The following TG variants were observed in gnomAD, a reference collection of about 807,000 sequenced individuals.
The protein encoded by TG is thyroid hormones.
TG carries 270 observed loss-of-function variants against 324.7 expected under a neutral mutation model. The observed-to-expected ratio is 0.83, with a 90% CI of 0.75 to 0.92. The LOEUF is 0.92. TG is among the 40% of genes least tolerant of loss of function. TG has a pLI of 0.00. For missense variants in TG, 3,591 were observed against 3,456.4 expected (o/e 1.04, Z -0.98); for synonymous variants, 1,401 against 1,327.0 (o/e 1.06, Z -1.21).
chr8:133,065,743 CAA>C (rs1463710328), intron 41 of TG, among the ~76,000 whole-genome samples: 2 of 151,706 alleles, frequency 1.3e-5, no homozygotes, highest in African/African-American at 2.4e-5. Context: ...GCCTGGGAAA[CAA>C]GAGTGAAACT....
intron 41 of TG, among the ~76,000 whole-genome samples, chr8:133,055,361 GCGCGCACACACACACA>G (rs58946786): frequency 0.25 from 32,603 of 131,580 alleles, 3,776 homozygotes; most frequent in African/African-American, 0.27. Context: ...ACACACGCAC[GCGCGCACACACACACA>G]CACACACACA....
At chr8:132,889,488 T>C (rs1815919313) in intron 10 of TG, among the ~76,000 whole-genome samples, 1 of 152,210 alleles carries the variant, frequency 6.6e-6, no homozygotes, top group South Asian at 2.1e-4. Flanking sequence ...AGAACGGTAA[T>C]ACCCTTGGCA....
At chr8:133,079,011 C>T (rs1458907557) in intron 41 of TG, among the ~76,000 whole-genome samples, 1 of 152,176 alleles carries the variant, frequency 6.6e-6, no homozygotes, top group Non-Finnish European at 1.5e-5. Context: ...ACAGGAACTT[C>T]ATGGCACTGA....
intron 41 of TG, among the ~76,000 whole-genome samples, chr8:133,044,758 G>C (rs937751563): frequency 1.3e-5 from 2 of 152,190 alleles, no homozygotes; most frequent in Non-Finnish European, 2.9e-5. Flanking sequence ...TGTACACTTC[G>C]AGAGAGGGCA....
chr8:133,001,791 G>A (rs1833532682), intron 35 of TG: 3 of 985,318 alleles, frequency 3.0e-6, no homozygotes, highest in East Asian at 1.1e-4. Flanking sequence ...AAGGTTTGCT[G>A]GGGGCCTGAA....
intron 41 of TG, among the ~76,000 whole-genome samples, chr8:133,045,821 C>T (rs769493235): frequency 6.6e-5 from 10 of 152,232 alleles, no homozygotes; most frequent in African/African-American, 2.2e-4. Context: ...GACTCCTTCC[C>T]GAGTACTCTC....
At chr8:133,000,810 C>A (rs796287216) in intron 35 of TG, among the ~76,000 whole-genome samples, 4 of 152,348 alleles carry the variant, frequency 2.6e-5, no homozygotes, top group African/African-American at 9.6e-5. Flanking sequence ...TGAGTGGATG[C>A]TGTCACCGAG....
At chr8:133,040,420 C>T (rs1005580662) in intron 41 of TG, 14 of 354,218 alleles carry the variant, frequency 4.0e-5, no homozygotes, top group South Asian at 5.5e-5. Flanking sequence ...AGCTTTACCC[C>T]GATAGTAAAT....
intron 41 of TG, among the ~76,000 whole-genome samples, chr8:133,044,486 G>A (rs536298599): frequency 1.3e-5 from 2 of 152,298 alleles, no homozygotes; most frequent in East Asian, 3.9e-4. Flanking sequence ...AGGCCACGGG[G>A]AAGCATGATC....
At chr8:133,036,466 T>C (rs749374905) in intron 41 of TG, among the ~76,000 whole-genome samples, 3 of 152,178 alleles carry the variant, frequency 2.0e-5, no homozygotes, top group Non-Finnish European at 4.4e-5. Context: ...CAGGACGTTT[T>C]TATAACAATC....
rs372801449 is a variant in TG at position 132,906,692 on chromosome 8, G to C, written c.3639G>C (p.Pro1213=). 6 of 1,613,888 alleles carry C rather than the reference G, an allele frequency of 3.7e-6. No individual in the cohort carries two copies. The highest frequency in any genetic ancestry group is 5.1e-6 in the Non-Finnish European group (6 of 1,180,020). ...VTGGQPACES[P]RCPLPFNASE... The stretch of plus-strand genomic sequence containing the variant: ...GCTCCACTTTCCTTCTCCCAGGCCC[G>C]CGGTGTCCGCTGCCATTCAACGCGT... The change falls in exon 17 of 48, where the codon CCG becomes CCC. Residue 1213 remains proline, a synonymous_variant. Transcript: ENST00000220616.
chr8:132,936,797 G>A (rs1274420576), intron 25 of TG, among the ~76,000 whole-genome samples: 2 of 152,168 alleles, frequency 1.3e-5, no homozygotes, highest in Admixed American at 6.5e-5. Context: ...TGAGCCATGC[G>A]CTCTGGGCCA....
In TG at chr8:133,066,851, C is replaced by T. The variant is rs138350956; in HGVS notation, c.7240-28193C>T. 4.7e-3 allele frequency among the ~76,000 whole-genome samples: 709 copies of T among 152,296 alleles called. 10 individuals carry two copies. Among genetic ancestry groups the T allele is most frequent in the African/African-American group, 0.016 (681 of 41,552 alleles). ...TGGTAAATGGCAGCTAAAAATTTAC[C>T]AAAGCTAGATCCCGTGCAGGGGCTG... is the stretch of plus-strand genomic sequence containing the variant. On this transcript the variant is annotated intron_variant, in intron 41 of 47. Transcript: ENST00000220616.
At chr8:133,008,618 G>A (rs1416809303) in intron 35 of TG, among the ~76,000 whole-genome samples, 3 of 152,230 alleles carry the variant, frequency 2.0e-5, no homozygotes, top group Admixed American at 2.0e-4. Flanking sequence ...ATCTGGAGGG[G>A]AAGTCTGTGA....
chr8:133,039,953 G>GCACGCACACA lies in TG; in HGVS notation c.7239+9933_7239+9934insGCACACACAC, dbSNP rs1554706051. 9 of 1,434,436 alleles carry GCACGCACACA rather than the reference G, an allele frequency of 6.3e-6. No homozygotes were observed. The African/African-American group carries it at 1.2e-4, about 19-fold the overall frequency. The allele number at this position is 1,434,436 out of a possible 1,614,324, so 88.9% of individuals were successfully genotyped here. On this transcript the variant is annotated intron_variant, in intron 41 of 47. Transcript: ENST00000220616. Reference sequence around the variant, plus strand: ...TCACATGTTCACAGAGCACTTGCATGCACACACACACACACACACACACAC... The same window carrying GCACGCACACA: ...TCACATGTTCACAGAGCACTTGCATGCACGCACACACACACACACACACACACACACACAC...
chr8:133,060,240 C>T, intron 41 of TG: 1 of 1,612,592 alleles, frequency 6.2e-7, no homozygotes, highest in Non-Finnish European at 8.5e-7. Context: ...CAACCGTGCC[C>T]TGAGCCCTCC....
chr8:132,958,837 G>T (rs1343599776), intron 27 of TG, among the ~76,000 whole-genome samples: 3 of 152,124 alleles, frequency 2.0e-5, no homozygotes, highest in Non-Finnish European at 4.4e-5. Context: ...AACACAAACT[G>T]AGCAGGTGCG....
chr8:133,032,184 A>T (rs1352936816), intron 41 of TG, among the ~76,000 whole-genome samples: 2 of 152,208 alleles, frequency 1.3e-5, no homozygotes, highest in Non-Finnish European at 2.9e-5. Context: ...CCCAGGACCC[A>T]CAGGATACAC....
Position 132,882,819 on chromosome 8 carries a change from A to C in TG, c.895A>C (p.Thr299Pro), listed in dbSNP as rs61733833. ...ACTGTGTGGATTTCCTCTAGGCCCC[A>C]CAAAATGTGAAGTGGAGCGGTTTAC... ...SVISGRFRCP[T>P]KCEVERFTAT... Residue 299 changes from threonine (T) to proline (P), a missense_variant, in exon 8 of 48, where the codon ACA becomes CCA. Physicochemically the swap from Thr to Pro is conservative, Grantham distance 38. Coordinates refer to ENST00000220616, the MANE Select transcript of TG (RefSeq NM_003235.5). The C allele has an allele frequency of 6.2e-7, 1 of 1,614,194 alleles. No homozygotes were observed. The highest frequency in any genetic ancestry group is 8.5e-7 in the Non-Finnish European group (1 of 1,180,038).
Sources: gnomAD v4.1 joint callset for allele counts (sites outside exome capture counted in the v4.1 genomes callset) on GRCh38, gnomAD v4.1.1 for gene constraint, MANE v1.5 for transcripts, NCBI Gene and HGNC (gene_info 2026-07-23, HGNC 2026-07-21) for gene names.